Variants in MSRB3 observed in about 807,000 individuals in gnomAD.
MSRB3 encodes methionine-R-sulfoxide reductase B3.
A neutral mutation model predicts 21.0 loss-of-function variants in MSRB3; 13 were observed. The observed-to-expected ratio is 0.62, with a 90% CI of 0.40 to 0.98. The LOEUF (loss-of-function observed/expected upper bound fraction) is 0.98. Among genes scored for constraint, MSRB3 ranks in the 50% least tolerant of loss-of-function variants. The pLI is 0.00. For missense variants in MSRB3, 199 were observed against 230.3 expected, an observed-to-expected ratio of 0.86 and a Z score of 0.88; for synonymous variants, 87 against 88.6, an observed-to-expected ratio of 0.98 and a Z score of 0.10.
intron 1 of MSRB3, among the ~76,000 whole-genome samples, chr12:65,298,108 A>G (rs1473120873): frequency 1.3e-5 from 2 of 151,958 alleles, no homozygotes; most frequent in Non-Finnish European, 2.9e-5. Flanking sequence ...GGTTCAAGCA[A>G]TCCTCCCGCC....
chr12:65,406,638 T>C (rs1880428854), intron 5 of MSRB3, among the ~76,000 whole-genome samples: 1 of 152,192 alleles, frequency 6.6e-6, no homozygotes, highest in Admixed American at 6.5e-5. Flanking sequence ...CAAAGCAATC[T>C]TGAGCAAAAG....
intron 4 of MSRB3, among the ~76,000 whole-genome samples, chr12:65,366,641 G>T (rs1291927092): frequency 6.6e-6 from 1 of 152,140 alleles, no homozygotes; most frequent in Non-Finnish European, 1.5e-5. Flanking sequence ...TTAGATATTG[G>T]GGGTGCAGAA....
intron 5 of MSRB3, chr12:65,419,160 G>A: frequency 1.5e-6 from 1 of 686,202 alleles, no homozygotes; most frequent in Non-Finnish European, 2.7e-6. Flanking sequence ...CTCCAACCTT[G>A]GCCAACTGCA....
intron 4 of MSRB3, among the ~76,000 whole-genome samples, chr12:65,345,531 A>G (rs1876431078): frequency 6.6e-6 from 1 of 152,106 alleles, no homozygotes; most frequent in South Asian, 2.1e-4. Flanking sequence ...TGTGAAGCTA[A>G]TGTTCCTGAT....
chr12:65,463,006 C>G, intron 6 of MSRB3, 149 bp from the exon 7 acceptor site: 3 of 935,762 alleles, frequency 3.2e-6, no homozygotes, highest in Non-Finnish European at 5.1e-6. Context: ...ACCATCTTTG[C>G]GGCTATTGAC....
chr12:65,361,436 C>T (rs548899486), intron 4 of MSRB3, among the ~76,000 whole-genome samples: 2 of 152,222 alleles, frequency 1.3e-5, no homozygotes, highest in East Asian at 3.9e-4. Context: ...AAGAAATAGA[C>T]CTATTTGCTT....
intron 5 of MSRB3, among the ~76,000 whole-genome samples, chr12:65,406,775 A>G (rs1880436765): frequency 1.3e-5 from 2 of 152,148 alleles, no homozygotes. Context: ...TAATGTTAAG[A>G]GCTGGGGTCA....
chr12:65,389,504 G>GC (rs1565868800), intron 5 of MSRB3, among the ~76,000 whole-genome samples: 1 of 152,012 alleles, frequency 6.6e-6, no homozygotes, highest in Non-Finnish European at 1.5e-5. Flanking sequence ...CCCTGGTAAT[G>GC]CCCTTCATTT....
At chr12:65,423,521 A>G (rs1046805743) in intron 5 of MSRB3, among the ~76,000 whole-genome samples, 2 of 152,114 alleles carry the variant, frequency 1.3e-5, no homozygotes, top group African/African-American at 2.4e-5. Flanking sequence ...CATTCCTACT[A>G]TACCTAATTT....
intron 5 of MSRB3, among the ~76,000 whole-genome samples, chr12:65,452,342 T>C (rs1882893051): frequency 6.6e-6 from 1 of 152,152 alleles, no homozygotes; most frequent in African/African-American, 2.4e-5. Context: ...ATTAAACCTG[T>C]TTTCACTAGC....
At chr12:65,295,136 G>T (rs535346064) in intron 1 of MSRB3, among the ~76,000 whole-genome samples, 6 of 152,138 alleles carry the variant, frequency 3.9e-5, no homozygotes, top group Admixed American at 3.9e-4. Flanking sequence ...GACCTTCCAT[G>T]TTTTATTCAC....
chr12:65,308,731 A>G (rs1284956226), intron 2 of MSRB3, 76 bp downstream of exon 2: 2 of 1,594,640 alleles, frequency 1.3e-6, no homozygotes, highest in South Asian at 2.2e-5. Flanking sequence ...ATGATACACC[A>G]TCATGCTTTG....
At chr12:65,341,432 A>G (rs1389826230) in intron 4 of MSRB3, among the ~76,000 whole-genome samples, 1 of 151,950 alleles carries the variant, frequency 6.6e-6, no homozygotes, top group South Asian at 2.1e-4. Flanking sequence ...GGAAGGGAGG[A>G]TGGTTAACGG....
chr12:65,405,718 T>C (rs567417240), intron 5 of MSRB3, among the ~76,000 whole-genome samples: 11 of 152,238 alleles, frequency 7.2e-5, no homozygotes, highest in Non-Finnish European at 1.6e-4. Flanking sequence ...CCGTGTTCCC[T>C]TCTCTCCACA....
intron 5 of MSRB3, chr12:65,419,075 T>C (rs1881135413): frequency 1.4e-6 from 1 of 697,538 alleles, no homozygotes; most frequent in East Asian, 2.7e-5. Context: ...TTCAGATTTC[T>C]CATGGAGTCC....
At chr12:65,358,156 C>T (rs1382727057) in intron 4 of MSRB3, among the ~76,000 whole-genome samples, 1 of 151,722 alleles carries the variant, frequency 6.6e-6, no homozygotes, top group Non-Finnish European at 1.5e-5. Flanking sequence ...ATTACTCTGT[C>T]ACTCAGACTA....
intron 5 of MSRB3, among the ~76,000 whole-genome samples, chr12:65,407,634 C>T (rs1472718844): frequency 6.6e-6 from 1 of 152,102 alleles, no homozygotes; most frequent in East Asian, 1.9e-4. Flanking sequence ...TTACTTTAAA[C>T]ATTTTCTCTG....
chr12:65,345,530 A>G (rs939388868), intron 4 of MSRB3, among the ~76,000 whole-genome samples: 1 of 152,092 alleles, frequency 6.6e-6, no homozygotes, highest in African/African-American at 2.4e-5. Context: ...TTGTGAAGCT[A>G]ATGTTCCTGA....
At chr12:65,382,107 T>C (rs1341976813) in intron 5 of MSRB3, among the ~76,000 whole-genome samples, 2 of 152,096 alleles carry the variant, frequency 1.3e-5, no homozygotes, top group Non-Finnish European at 1.5e-5. Context: ...TCACAAAATC[T>C]GTCTATATAT....
Sources: allele counts gnomAD v4.1 joint callset (sites outside exome capture counted in the v4.1 genomes callset), GRCh38; gene constraint gnomAD v4.1.1; transcripts MANE v1.5; gene names NCBI Gene and HGNC (gene_info 2026-07-23, HGNC 2026-07-21).